Variants in PDE4D observed in about 807,000 individuals in gnomAD.
The protein encoded by PDE4D is 3',5'-cyclic-AMP phosphodiesterase 4D.
PDE4D carries 24 observed loss-of-function variants against 87.4 expected under a neutral mutation model. That is an observed-to-expected ratio of 0.27 (90% confidence interval 0.20 to 0.39). The LOEUF (loss-of-function observed/expected upper bound fraction) is 0.39. Among genes scored for constraint, PDE4D ranks in the 10% least tolerant of loss-of-function variants. PDE4D has a pLI of 1.00. For synonymous variants in PDE4D, 384 were observed against 383.2 expected (o/e 1.00, Z -0.02); for missense variants, 714 against 1,041.0 (o/e 0.69, Z 4.32).
At chr5:59,066,799 T>A (rs1056994496) in intron 5 of PDE4D, among the ~76,000 whole-genome samples, 1 of 151,958 alleles carries the variant, frequency 6.6e-6, no homozygotes, top group Admixed American at 6.6e-5. Flanking sequence ...GATTAGTGGC[T>A]TATAAAGGAG....
intron 1 of PDE4D, among the ~76,000 whole-genome samples, chr5:59,671,557 C>G (rs1330364271): frequency 6.6e-6 from 1 of 152,008 alleles, no homozygotes; most frequent in Non-Finnish European, 1.5e-5. Flanking sequence ...CCTGTAATCC[C>G]AACACTTCGG....
rs117512014 is a variant in PDE4D, at chr5:60,063,437, A to G, written c.43-74720T>C. On this transcript the variant is annotated intron_variant, in intron 2 of 16. Transcript: ENST00000502484. Reference sequence around the variant, plus strand: ...GTAAAATATGAAACCAGCTTTGCAAAGATTATAACAATGAGAGAAGGCTAG... The same window carrying G: ...GTAAAATATGAAACCAGCTTTGCAAGGATTATAACAATGAGAGAAGGCTAG... Among the ~76,000 whole-genome samples the G allele has an allele frequency of 3.4e-3, 510 of 152,226 alleles. 20 individuals are homozygous for G. The East Asian group carries it at 0.085, about 26-fold the overall frequency.
At chr5:59,191,538 G>C (rs2021384) in intron 3 of PDE4D, among the ~76,000 whole-genome samples, 144,974 of 152,122 alleles carry the variant, frequency 0.95, 69,708 homozygotes, top group Non-Finnish European at 0.98. Context: ...ACCTCTCTCT[G>C]AGGTCTTAGA....
At chr5:59,853,385 G>GT (rs141660968) in intron 1 of PDE4D, among the ~76,000 whole-genome samples, 15,605 of 151,906 alleles carry the variant, frequency 0.1, 2,527 homozygotes, top group African/African-American at 0.34. Context: ...AATGTAATTT[G>GT]TTCTGGTTAT....
At chr5:59,919,427 A>G (rs1187799134) in intron 3 of PDE4D, among the ~76,000 whole-genome samples, 1 of 152,200 alleles carries the variant, frequency 6.6e-6, no homozygotes. Context: ...TTATTCTTTC[A>G]TTAGATATGA....
intron 1 of PDE4D, among the ~76,000 whole-genome samples, chr5:59,460,272 T>C (rs1055872252): frequency 4.6e-5 from 7 of 152,118 alleles, no homozygotes; most frequent in African/African-American, 1.7e-4. Context: ...TTAATAAAAG[T>C]ATAACAAATT....
At chr5:60,044,269 A>G (rs1172004709) in intron 2 of PDE4D, among the ~76,000 whole-genome samples, 2 of 152,150 alleles carry the variant, frequency 1.3e-5, no homozygotes, top group Non-Finnish European at 2.9e-5. Context: ...TCCCATAGAT[A>G]TATACACTTA....
intron 6 of PDE4D, among the ~76,000 whole-genome samples, chr5:58,994,897 A>C: frequency 6.8e-6 from 1 of 146,718 alleles, no homozygotes; most frequent in Non-Finnish European, 1.5e-5. Flanking sequence ...GTATCTCCTA[A>C]TGCTTTCCCT....
chr5:59,287,716 C>G (rs990185147), intron 1 of PDE4D, among the ~76,000 whole-genome samples: 3 of 137,810 alleles, frequency 2.2e-5, no homozygotes, highest in East Asian at 3.3e-4. Context: ...CAGAGACACA[C>G]ACAGAGAGAG....
chr5:59,261,900 GAAAAT>G (rs1762070969), intron 1 of PDE4D, among the ~76,000 whole-genome samples: 2 of 151,754 alleles, frequency 1.3e-5, no homozygotes, highest in Non-Finnish European at 2.9e-5. Context: ...AGTAAGAAAA[GAAAAT>G]ATCTCTCTAA....
At chr5:59,780,206 A>T in intron 1 of PDE4D, among the ~76,000 whole-genome samples, 1 of 152,258 alleles carries the variant, frequency 6.6e-6, no homozygotes, top group Non-Finnish European at 1.5e-5. Flanking sequence ...TCTACTAAAA[A>T]TATTAAAAAA....
chr5:59,284,528 G>C (rs1455362743), intron 1 of PDE4D, among the ~76,000 whole-genome samples: 1 of 151,582 alleles, frequency 6.6e-6, no homozygotes, highest in South Asian at 2.1e-4. Flanking sequence ...TCTCACACCA[G>C]TTAGAATGGC....
intron 1 of PDE4D, among the ~76,000 whole-genome samples, chr5:60,237,544 A>G (rs967880332): frequency 6.6e-6 from 1 of 152,078 alleles, no homozygotes; most frequent in Non-Finnish European, 1.5e-5. Flanking sequence ...TTTAATTTAT[A>G]TAACAGTCTC....
chr5:58,991,863 A>T lies in PDE4D; in HGVS notation c.1157T>A (p.Val386Asp). 1 of 1,550,876 alleles carries T rather than the reference A, an allele frequency of 6.4e-7. No individual in the cohort carries two copies. Among genetic ancestry groups the T allele is most frequent in the Non-Finnish European group, 8.7e-7 (1 of 1,151,598 alleles). The change falls in exon 8 of 15, where the codon GTT becomes GAT. Residue 386 changes from valine (V) to aspartate (D), a missense_variant. Val to Asp is a radical substitution (Grantham distance 152). Around this residue, in one of 7 missense-constraint regions of PDE4D, gnomAD observed 141 missense variants for 204.3 expected, o/e 0.69. Transcript: ENST00000340635. ...LTNSSIPRFG[V>D]KTEQEDVLAK... ...AAGGACATCTTCTTGTTCAGTTTTAACTCCAAACCTTGGGATACTTGAATT... is the reference window on the plus strand; with the variant it reads ...AAGGACATCTTCTTGTTCAGTTTTATCTCCAAACCTTGGGATACTTGAATT...
intron 1 of PDE4D, among the ~76,000 whole-genome samples, chr5:60,361,565 T>C (rs1561164785): frequency 1.3e-5 from 2 of 152,216 alleles, no homozygotes; most frequent in African/African-American, 4.8e-5. Flanking sequence ...CTTTCTGCCC[T>C]CCCTTGTGGA....
intron 1 of PDE4D, among the ~76,000 whole-genome samples, chr5:59,769,715 G>A (rs1274624266): frequency 1.3e-5 from 2 of 152,166 alleles, no homozygotes; most frequent in Non-Finnish European, 2.9e-5. Flanking sequence ...GCATAGGGAA[G>A]TTCCCAGTAG....
At chr5:59,906,296 C>T (rs184756239) in intron 3 of PDE4D, among the ~76,000 whole-genome samples, 1 of 152,184 alleles carries the variant, frequency 6.6e-6, no homozygotes, top group East Asian at 1.9e-4. Context: ...TATTTTTAAT[C>T]GAGAACCTAT....
chr5:59,523,806 T>C (rs561700782), intron 1 of PDE4D, among the ~76,000 whole-genome samples: 3 of 152,130 alleles, frequency 2.0e-5, no homozygotes, highest in Non-Finnish European at 4.4e-5. Flanking sequence ...TGGAACAGAT[T>C]CCCCCATGCT....
At chr5:59,233,813 C>T (rs570945900) in intron 1 of PDE4D, among the ~76,000 whole-genome samples, 30 of 152,236 alleles carry the variant, frequency 2.0e-4, no homozygotes, top group African/African-American at 6.5e-4. Context: ...GATACCTATC[C>T]ATTCCACAAA....
Sources: gnomAD v4.1 joint callset for allele counts (sites outside exome capture counted in the v4.1 genomes callset) on GRCh38, gnomAD v4.1.1 for gene constraint, gnomAD v4.1.1 regional missense constraint, MANE v1.5 for transcripts, NCBI Gene and HGNC (gene_info 2026-07-23, HGNC 2026-07-21) for gene names.